PSIP1: variants seen among roughly 807,000 people sequenced by gnomAD.
PSIP1 encodes the protein PC4 and SRSF1 interacting protein 1.
PSIP1 carries 19 observed loss-of-function variants against 74.7 expected under a neutral mutation model. That is an observed-to-expected ratio of 0.25 (90% CI 0.18 to 0.37). The LOEUF is 0.37. Among genes scored for constraint, PSIP1 ranks in the 10% least tolerant of loss-of-function variants. PSIP1 has a pLI of 1.00. For synonymous variants in PSIP1, 222 were observed against 195.3 expected, an observed-to-expected ratio of 1.14 and a Z score of -1.14; for missense variants, 601 against 614.3, an observed-to-expected ratio of 0.98 and a Z score of 0.23.
chr9:15,473,927 C>CAAA, intron 9 of PSIP1, 82 bp downstream of exon 9: 3 of 514,476 alleles, frequency 5.8e-6, no homozygotes, highest in Non-Finnish European at 8.2e-6. Context: ...AAAAAAAAAA[C>CAAA]AAAAAAAAAA....
intron 9 of PSIP1, 58 bp downstream of exon 9, chr9:15,473,951 A>G (rs893842579): frequency 1.6e-6 from 2 of 1,223,610 alleles, no homozygotes; most frequent in South Asian, 2.0e-5. Context: ...AGAAAAAACA[A>G]AAAATATATA....
At chr9:15,491,651 G>A (rs2036838830) in intron 3 of PSIP1, among the ~76,000 whole-genome samples, 1 of 152,158 alleles carries the variant, frequency 6.6e-6, no homozygotes, top group Non-Finnish European at 1.5e-5. Flanking sequence ...ATCCATTTAA[G>A]TAACCATGAA....
chr9:15,478,119 C>G (rs1449181093), intron 8 of PSIP1, among the ~76,000 whole-genome samples: 1 of 144,474 alleles, frequency 6.9e-6, no homozygotes, highest in Non-Finnish European at 1.5e-5. Flanking sequence ...AGAGTGAAAC[C>G]CCATCTTTAA....
chr9:15,471,637 C>G (rs2035835272), intron 10 of PSIP1: 1 of 953,762 alleles, frequency 1.0e-6, no homozygotes, highest in Admixed American at 6.2e-5. Flanking sequence ...TATTTTTGAG[C>G]TTTAGATAAG....
At chr9:15,495,627 A>T (rs1301233863) in intron 3 of PSIP1, among the ~76,000 whole-genome samples, 1 of 152,186 alleles carries the variant, frequency 6.6e-6, no homozygotes, top group Non-Finnish European at 1.5e-5. Context: ...ATTTATTATG[A>T]TATGGAATGC....
At chr9:15,496,548 G>T (rs776236435) in intron 3 of PSIP1, among the ~76,000 whole-genome samples, 1 of 152,018 alleles carries the variant, frequency 6.6e-6, no homozygotes, top group East Asian at 1.9e-4. Context: ...CTCATTTTAC[G>T]TGTACCTTTT....
chr9:15,467,389 C>A lies in PSIP1; in HGVS notation c.1421-530G>T, dbSNP rs1042874101. On this transcript the variant is annotated intron_variant, in intron 14 of 15. Transcript: ENST00000380733. ...TCATTCCCCAATAAAGCAACAAAAACAAAAAACCAACCGACTGCTTTTGAA... is the reference window on the plus strand; with the variant it reads ...TCATTCCCCAATAAAGCAACAAAAAAAAAAAACCAACCGACTGCTTTTGAA... Among the ~76,000 whole-genome samples the A allele has an allele frequency of 3.9e-5, 6 of 152,190 alleles. No individual in the cohort carries two copies. In the East Asian group the frequency reaches 1.2e-3, roughly 29 times the overall value.
intron 3 of PSIP1, among the ~76,000 whole-genome samples, chr9:15,494,633 A>T (rs1053903267): frequency 1.3e-5 from 2 of 151,696 alleles, no homozygotes; most frequent in African/African-American, 4.8e-5. Flanking sequence ...GGTATATAAA[A>T]GTCAGCTTTA....
intron 3 of PSIP1, among the ~76,000 whole-genome samples, chr9:15,495,582 A>T (rs779373866): frequency 2.0e-5 from 3 of 152,188 alleles, no homozygotes; most frequent in Non-Finnish European, 2.9e-5. Flanking sequence ...ATCTATCAAG[A>T]ATAGTTTGAA....
rs1465431003 is a variant in PSIP1, at chr9:15,479,468, T to A, written c.553+123A>T. ...AATCATGTTTATCTCCTTTGAAATC[T>A]GTATGTTACACATAATCAATTGCCT... is the stretch of plus-strand genomic sequence containing the variant. On this transcript the variant is annotated intron_variant, in intron 7 of 15. Transcript: ENST00000380733. 13 of 607,006 alleles carry A rather than the reference T, an allele frequency of 2.1e-5. No individual in the cohort carries two copies. The East Asian group carries it at 3.7e-4, about 17-fold the overall frequency. 37.6% of individuals were successfully genotyped at this position (607,006 alleles called of 1,614,324 possible).
At chr9:15,468,311 G>A (rs1375568328) in intron 14 of PSIP1, 1 of 575,412 alleles carries the variant, frequency 1.7e-6, no homozygotes, top group Non-Finnish European at 3.4e-6. Flanking sequence ...AGAAGCAGCT[G>A]AGCAACCAGG....
chr9:15,487,943 T>C (rs576870089), intron 4 of PSIP1, among the ~76,000 whole-genome samples: 1 of 152,282 alleles, frequency 6.6e-6, no homozygotes, highest in East Asian at 1.9e-4. Context: ...GGAGCAGCAA[T>C]GAAAGATTTA....
intron 3 of PSIP1, chr9:15,505,026 C>T (rs1220680741): frequency 1.4e-5 from 2 of 147,430 alleles, no homozygotes; most frequent in African/African-American, 5.1e-5. Context: ...GCAACCTTTG[C>T]CTCCCCGGCT....
intron 6 of PSIP1, among the ~76,000 whole-genome samples, 198 bp from the exon 7 acceptor site, chr9:15,479,885 TAAAAA>T (rs1235468986): frequency 6.6e-6 from 1 of 151,900 alleles, no homozygotes; most frequent in Non-Finnish European, 1.5e-5. Flanking sequence ...GAACAACTCT[TAAAAA>T]AAACAAAAAA....
intron 3 of PSIP1, among the ~76,000 whole-genome samples, chr9:15,501,610 A>G (rs2037347658): frequency 6.6e-6 from 1 of 152,094 alleles, no homozygotes; most frequent in Admixed American, 6.6e-5. Context: ...GCTAGTTCGT[A>G]TAGGTTTTTA....
chr9:15,507,770 T>A (rs1463957968), intron 2 of PSIP1, among the ~76,000 whole-genome samples: 2 of 152,250 alleles, frequency 1.3e-5, no homozygotes, highest in Non-Finnish European at 2.9e-5. Context: ...GAGGACCTAC[T>A]ATCCTCTGTA....
chr9:15,465,603 C>T, intron 15 of PSIP1, 23 bp from the exon 16 acceptor site: 1 of 1,528,936 alleles, frequency 6.5e-7, no homozygotes, highest in Non-Finnish European at 9.0e-7. Context: ...GGGAAAGGTA[C>T]AACTGGAATT....
intron 4 of PSIP1, among the ~76,000 whole-genome samples, chr9:15,488,683 G>C (rs1297966847): frequency 1.3e-5 from 2 of 152,074 alleles, no homozygotes; most frequent in Non-Finnish European, 2.9e-5. Context: ...TCAGAAGATT[G>C]AGACCATCCT....
At position 15,465,368 on chromosome 9, in the gene PSIP1, T is replaced by G; in HGVS notation, c.*152A>C. On this transcript the variant is annotated 3_prime_UTR_variant, in exon 16 of 16. Transcript: ENST00000380733. ...CACAAGTACACTTAGCGATAATGTT[T>G]ACTTTACTTTAAAACAAAGGGATTT... 1 of 643,476 alleles carries G rather than the reference T, an allele frequency of 1.6e-6. No homozygotes were observed. The highest frequency in any genetic ancestry group is 2.7e-6 in the Non-Finnish European group (1 of 376,788). The allele number at this position is 643,476 out of a possible 1,614,324, so 39.9% of individuals were successfully genotyped here. A position where few individuals can be genotyped will look rare whatever the true frequency, so the allele number is the denominator to read the frequency against.
Sources: allele counts gnomAD v4.1 joint callset (sites outside exome capture counted in the v4.1 genomes callset), GRCh38; gene constraint gnomAD v4.1.1; transcripts MANE v1.5; gene names NCBI Gene and HGNC (gene_info 2026-07-23, HGNC 2026-07-21).